Variants in ST3GAL4 observed in about 807,000 individuals in gnomAD.
ST3GAL4 encodes CMP-N-acetylneuraminate-beta-galactosamide-alpha-2,3-sialyltransferase 4.
A neutral mutation model predicts 42.6 loss-of-function variants in ST3GAL4; 24 were observed. The ratio of observed to expected loss-of-function variants is 0.56; its 90% CI spans 0.41 to 0.79. The LOEUF (loss-of-function observed/expected upper bound fraction) is 0.79, where lower values mean the gene tolerates loss of function less well. Ranked by LOEUF, ST3GAL4 falls within the 30% of genes least tolerant of loss-of-function variation. The pLI is 0.00. For synonymous variants in ST3GAL4, 135 were observed against 163.2 expected (o/e 0.83, Z 1.32); for missense variants, 311 against 430.8 (o/e 0.72, Z 2.46).
At chr11:126,394,591 AT>A (rs1953656430) in intron 1 of ST3GAL4, among the ~76,000 whole-genome samples, 1 of 151,876 alleles carries the variant, frequency 6.6e-6, no homozygotes, top group Non-Finnish European at 1.5e-5. Flanking sequence ...TGCCCGGCTA[AT>A]TTTTGTATTT....
rs1366630102 is a variant in ST3GAL4 at position 126,359,881 on chromosome 11, G to T, written c.-61+4039G>T. 6.6e-6 allele frequency among the ~76,000 whole-genome samples: 1 copy of T among 152,254 alleles called. No homozygotes were observed. Among genetic ancestry groups the T allele is most frequent in the Non-Finnish European group, 1.5e-5 (1 of 68,046 alleles). On this transcript the variant is annotated intron_variant, in intron 1 of 10. Coordinates refer to ENST00000444328, the MANE Select transcript of ST3GAL4 (RefSeq NM_001254757.2). This position sits in a 1 kb window ranked among gnomAD's most constrained non-coding sequence, Gnocchi z 4.8. ...TGGAAATGTGGCTGCCGCCCACATG[G>T]CTGCAAGGCAACCACGGCCACACGT...
intron 1 of ST3GAL4, among the ~76,000 whole-genome samples, chr11:126,367,152 G>A (rs1217620577): frequency 1.3e-5 from 2 of 152,156 alleles, no homozygotes; most frequent in African/African-American, 2.4e-5. Flanking sequence ...TGGGAAGGCT[G>A]AATGGGGCGG....
chr11:126,371,445 G>A (rs921850242), intron 1 of ST3GAL4, among the ~76,000 whole-genome samples: 2 of 152,068 alleles, frequency 1.3e-5, no homozygotes, highest in African/African-American at 2.4e-5. Flanking sequence ...TTATAGGCGT[G>A]AGCCACCGCG....
rs1952738296 is a variant in ST3GAL4 at position 126,373,800 on chromosome 11, C to CT, written c.-61+17959dup. Among the ~76,000 whole-genome samples the CT allele has an allele frequency of 5.3e-5, 8 of 152,156 alleles. No homozygotes were observed. The South Asian group carries it at 1.5e-3, about 28-fold the overall frequency. On this transcript the variant is annotated intron_variant, in intron 1 of 10. Coordinates refer to ENST00000444328, the MANE Select transcript of ST3GAL4 (RefSeq NM_001254757.2). This position sits in a 1 kb window ranked among gnomAD's most constrained non-coding sequence, Gnocchi z 5.5. ...TTACTCACTGTGCTCTCTGCCAACTCTAATGAGCCAGGAAGCCTCCCCGTG... is the reference window on the plus strand; with the variant it reads ...TTACTCACTGTGCTCTCTGCCAACTCTTAATGAGCCAGGAAGCCTCCCCGTG...
chr11:126,369,673 A>G (rs1475757676), intron 1 of ST3GAL4, among the ~76,000 whole-genome samples: 2 of 152,222 alleles, frequency 1.3e-5, no homozygotes, highest in Admixed American at 1.3e-4. Flanking sequence ...CAACATTTAC[A>G]TTCCTTATTT....
chr11:126,378,211 C>T lies in ST3GAL4; in HGVS notation c.-61+22369C>T, dbSNP rs1436747944. On this transcript the variant is annotated intron_variant, in intron 1 of 10. Transcript: ENST00000444328. The surrounding 1 kb of genome is among the most constrained non-coding windows in gnomAD (Gnocchi z 5.3). ...TTGTTGCTGCATAAAATGAATAATT[C>T]GGTGTTATCGATAGAAAGGGTCAAA... Among the ~76,000 whole-genome samples the T allele has an allele frequency of 2.6e-5, 4 of 152,088 alleles. No homozygotes were observed. The highest frequency in any genetic ancestry group is 5.9e-5 in the Non-Finnish European group (4 of 68,016).
chr11:126,380,470 T>C (rs1344406422), intron 1 of ST3GAL4, among the ~76,000 whole-genome samples: 1 of 152,218 alleles, frequency 6.6e-6, no homozygotes, highest in African/African-American at 2.4e-5. Context: ...AGTATTTATT[T>C]TGTGAAGGGC....
At chr11:126,407,373 G>A in intron 5 of ST3GAL4, 24 bp downstream of exon 5, 4 of 1,610,296 alleles carry the variant, frequency 2.5e-6, no homozygotes, top group Middle Eastern at 1.7e-4. Context: ...CGGCTCGTGG[G>A]AACCATGGGC....
Position 126,359,926 on chromosome 11 carries a change from A to T in ST3GAL4, c.-61+4084A>T, listed in dbSNP as rs1175973867. ...ACACGTGGGGAAGGGGAGGGGCCCT[A>T]TGGGGTCTAAGCACAGGGAACCCAG... On this transcript the variant is annotated intron_variant, in intron 1 of 10. Coordinates refer to ENST00000444328, the MANE Select transcript of ST3GAL4 (RefSeq NM_001254757.2). The surrounding 1 kb of genome is among the most constrained non-coding windows in gnomAD (Gnocchi z 4.8). Among the ~76,000 whole-genome samples the T allele has an allele frequency of 6.6e-6, 1 of 152,184 alleles. No homozygotes were observed. The highest frequency in any genetic ancestry group is 2.4e-5 in the African/African-American group (1 of 41,444).
Position 126,383,426 on chromosome 11 carries a change from G to A in ST3GAL4, c.-60-22670G>A, listed in dbSNP as rs1953084411. 6.6e-6 allele frequency among the ~76,000 whole-genome samples: 1 copy of A among 152,114 alleles called. No individual in the cohort carries two copies. The highest frequency in any genetic ancestry group is 6.5e-5 in the Admixed American group (1 of 15,274). Reference sequence around the variant, plus strand: ...GAACCCACTGGGCCTGAGGGAGGTAGAGCAGCAGCAGCAGCAGCTGAGCCC... The same window carrying A: ...GAACCCACTGGGCCTGAGGGAGGTAAAGCAGCAGCAGCAGCAGCTGAGCCC... On this transcript the variant is annotated intron_variant, in intron 1 of 10. Coordinates refer to ENST00000444328, the MANE Select transcript of ST3GAL4 (RefSeq NM_001254757.2). This position sits in a 1 kb window ranked among gnomAD's most constrained non-coding sequence, Gnocchi z 4.5.
intron 1 of ST3GAL4, among the ~76,000 whole-genome samples, chr11:126,370,090 A>T (rs1201470806): frequency 6.6e-6 from 1 of 152,240 alleles, no homozygotes; most frequent in African/African-American, 2.4e-5. Context: ...TGTTAGAAAA[A>T]GTGCTGCAGT....
intron 9 of ST3GAL4, among the ~76,000 whole-genome samples, chr11:126,412,520 G>A (rs1214533976): frequency 2.0e-5 from 3 of 152,220 alleles, no homozygotes; most frequent in African/African-American, 4.8e-5. Flanking sequence ...CAGCCAGTAA[G>A]GTGAATGGGA....
intron 1 of ST3GAL4, among the ~76,000 whole-genome samples, chr11:126,385,379 C>T (rs903948436): frequency 6.6e-6 from 1 of 151,920 alleles, no homozygotes; most frequent in African/African-American, 2.4e-5. Context: ...GTCTCGATCT[C>T]CTGACCTCAT....
rs1367387288 is a variant in ST3GAL4, at chr11:126,405,746, C to G, written c.-60-350C>G. 5 of 279,140 alleles carry G rather than the reference C, an allele frequency of 1.8e-5. No individual in the cohort carries two copies. The South Asian group carries it at 2.3e-4, about 13-fold the overall frequency. The allele number at this position is 279,140 out of a possible 1,614,324, so 17.3% of individuals were successfully genotyped here. A position where few individuals can be genotyped will look rare whatever the true frequency, so the allele number is the denominator to read the frequency against. On this transcript the variant is annotated intron_variant, in intron 1 of 10. Transcript: ENST00000444328. Reference sequence around the variant, plus strand: ...CTCAACAGTGGGCGGGGGTAGCTGTCTGCCTCCTGGAGCTGGCCCTTCCTG... The same window carrying G: ...CTCAACAGTGGGCGGGGGTAGCTGTGTGCCTCCTGGAGCTGGCCCTTCCTG...
At chr11:126,408,238 G>A (rs753890536) in intron 7 of ST3GAL4, 44 bp downstream of exon 7, 4 of 1,612,844 alleles carry the variant, frequency 2.5e-6, no homozygotes, top group East Asian at 4.5e-5. Flanking sequence ...GGAACTGGAT[G>A]TCCGAGCCAG....
At position 126,413,522 on chromosome 11, in the gene ST3GAL4, G is replaced by C; in HGVS notation, c.789G>C (p.Leu263=). ...RKIKQKPTTG[L]LAITLALHLC... is the part of the protein sequence containing the mutation. ...TTCCTCAGAAGCCCACCACGGGCCT[G>C]TTGGCCATCACGCTGGCCCTCCACC... Residue 263 remains leucine (L), a synonymous_variant, in exon 10 of 11, where the codon CTG becomes CTC. Coordinates refer to ENST00000444328, the MANE Select transcript of ST3GAL4 (RefSeq NM_001254757.2). 1 of 1,614,192 alleles carries C rather than the reference G, an allele frequency of 6.2e-7. No homozygotes were observed. The highest frequency in any genetic ancestry group is 8.5e-7 in the Non-Finnish European group (1 of 1,180,030).
rs1953108698 is a variant in ST3GAL4, at chr11:126,383,879, G to A, written c.-60-22217G>A. ...TGGCCCACCTTTACTCTGAGGGGGT[G>A]GGCTTCCTGCGGGGGACAAACTGGA... On this transcript the variant is annotated intron_variant, in intron 1 of 10. Coordinates refer to ENST00000444328, the MANE Select transcript of ST3GAL4 (RefSeq NM_001254757.2). This position sits in a 1 kb window ranked among gnomAD's most constrained non-coding sequence, Gnocchi z 4.5. Among the ~76,000 whole-genome samples, 1 of 152,172 alleles carries A rather than the reference G, an allele frequency of 6.6e-6. No individual in the cohort carries two copies. Among genetic ancestry groups the A allele is most frequent in the Non-Finnish European group, 1.5e-5 (1 of 68,026 alleles).
In ST3GAL4 at chr11:126,376,377, T is replaced by C. The variant is rs1952834327; in HGVS notation, c.-61+20535T>C. Among the ~76,000 whole-genome samples, 1 of 152,178 alleles carries C rather than the reference T, an allele frequency of 6.6e-6. No homozygotes were observed. Among genetic ancestry groups the C allele is most frequent in the Admixed American group, 6.5e-5 (1 of 15,270 alleles). On this transcript the variant is annotated intron_variant, in intron 1 of 10. Transcript: ENST00000444328. The surrounding 1 kb of genome is among the most constrained non-coding windows in gnomAD (Gnocchi z 5.1). ...AAGAGGTTTAGTGGCCCAATGACAG[T>C]TTCAGAGGCAGGTGTTTGGAGAGTG...
chr11:126,409,145 T>A lies in ST3GAL4; in HGVS notation c.628-123T>A. On this transcript the variant is annotated intron_variant, in intron 8 of 10. Transcript: ENST00000444328. The surrounding 1 kb of genome is among the most constrained non-coding windows in gnomAD (Gnocchi z 4.9). ...GACTTCACCTCCCTTTCCTCTCACC[T>A]TGTGCTCCTGAAGGCCTCTGCCATC... 8.2e-7 allele frequency: 1 copy of A among 1,223,294 alleles called. No individual in the cohort carries two copies. The highest frequency in any genetic ancestry group is 1.4e-5 in the South Asian group (1 of 72,836). 75.8% of individuals were successfully genotyped at this position (1,223,294 alleles called of 1,614,324 possible).
Sources: gnomAD v4.1 joint callset for allele counts (sites outside exome capture counted in the v4.1 genomes callset) on GRCh38, gnomAD v4.1.1 for gene constraint, Gnocchi (gnomAD v3.1) non-coding constraint, MANE v1.5 for transcripts, NCBI Gene and HGNC (gene_info 2026-07-23, HGNC 2026-07-21) for gene names.